CD27: variants seen among roughly 807,000 people sequenced by gnomAD.
CD27 encodes CD27 molecule.
In CD27, 16 loss-of-function variants were observed where a neutral mutation model predicts 25.9. The observed-to-expected ratio is 0.62, with a 90% CI of 0.42 to 0.94. The LOEUF is 0.94. Among genes scored for constraint, CD27 ranks in the 40% least tolerant of loss-of-function variants. The pLI, the probability that CD27 is intolerant of heterozygous loss-of-function variation, is 0.00. For missense variants in CD27, 300 were observed against 333.2 expected, an observed-to-expected ratio of 0.90 and a Z score of 0.78; for synonymous variants, 142 against 124.3, an observed-to-expected ratio of 1.14 and a Z score of -0.95.
At chr12:6,446,776 T>TCACACACACA (rs35670100) in intron 2 of CD27, among the ~76,000 whole-genome samples, 11 of 148,388 alleles carry the variant, frequency 7.4e-5, no homozygotes, top group Non-Finnish European at 1.2e-4. Context: ...AAACCCTTTT[T>TCACACACACA]CACACACACA....
At position 6,450,453 on chromosome 12, in the gene CD27, C is replaced by A; in HGVS notation, c.449-88C>A. ...CCTAGATAAGGTCAGCCTGTTTCTG[C>A]CTTCCCATCCCATCCAGCACCTCTC... On this transcript the variant is annotated intron_variant, in intron 3 of 5. Coordinates refer to ENST00000266557, the MANE Select transcript of CD27 (RefSeq NM_001242.5). The surrounding 1 kb of genome is among the most constrained non-coding windows in gnomAD (Gnocchi z 4.1). The A allele has an allele frequency of 1.3e-6, 2 of 1,533,220 alleles. No individual in the cohort carries two copies. The highest frequency in any genetic ancestry group is 1.8e-6 in the Non-Finnish European group (2 of 1,116,942). 95.0% of individuals were successfully genotyped at this position (1,533,220 alleles called of 1,614,324 possible). A position where few individuals can be genotyped will look rare whatever the true frequency, so the allele number is the denominator to read the frequency against.
chr12:6,451,207 C>T (rs1475450567), intron 5 of CD27, 61 bp from the exon 6 acceptor site: 2 of 1,594,404 alleles, frequency 1.3e-6, no homozygotes, highest in African/African-American at 2.7e-5. Context: ...CTACCCATCT[C>T]CTTCTCCCGT....
Position 6,445,081 on chromosome 12 carries a change from G to A in CD27, c.-15G>A, listed in dbSNP as rs199640884. Reference sequence around the variant, plus strand: ...CAGCAACTGGGCACAGAAAGGAGCCGCCTGGGCAGGGACCATGGCACGGCC... The same window carrying A: ...CAGCAACTGGGCACAGAAAGGAGCCACCTGGGCAGGGACCATGGCACGGCC... On this transcript the variant is annotated 5_prime_UTR_variant, in exon 1 of 6. Transcript: ENST00000266557. This position sits in a 1 kb window ranked among gnomAD's most constrained non-coding sequence, Gnocchi z 4.5. 5.6e-6 allele frequency: 9 copies of A among 1,595,826 alleles called. No individual in the cohort carries two copies. Among genetic ancestry groups the A allele is most frequent in the African/African-American group, 1.3e-5 (1 of 74,282 alleles).
Position 6,450,154 on chromosome 12 carries a change from T to A in CD27, c.269-19T>A. 1 of 1,605,696 alleles carries A rather than the reference T, an allele frequency of 6.2e-7. No individual in the cohort carries two copies. Among genetic ancestry groups the A allele is most frequent in the Non-Finnish European group, 8.5e-7 (1 of 1,178,194 alleles). On this transcript the variant is annotated intron_variant, in intron 2 of 5. Coordinates refer to ENST00000266557, the MANE Select transcript of CD27 (RefSeq NM_001242.5). This position sits in a 1 kb window ranked among gnomAD's most constrained non-coding sequence, Gnocchi z 4.1. ...ACAGGTCTGAGTGTCCTATGCTCCC[T>A]GGGCCTCTCTTCCCCCAGGTCTTCT...
chr12:6,451,040 G>A (rs762628936), intron 5 of CD27, 26 bp downstream of exon 5: 3 of 1,613,458 alleles, frequency 1.9e-6, no homozygotes, highest in Non-Finnish European at 1.7e-6. Flanking sequence ...CAGGCCTCCG[G>A]TCCTGCCCCT....
At chr12:6,447,858 C>T (rs1222141055) in intron 2 of CD27, 1 of 151,902 alleles carries the variant, frequency 6.6e-6, no homozygotes, top group Non-Finnish European at 1.5e-5. Context: ...TGTTCAATTC[C>T]CACCTACGAG....
intron 2 of CD27, chr12:6,447,205 A>C (rs927675590): frequency 6.6e-6 from 1 of 152,244 alleles, no homozygotes; most frequent in Admixed American, 6.5e-5. Context: ...TGTAACTGTA[A>C]TAGATGCTTT....
rs752125182 is a variant in CD27 at position 6,451,284 on chromosome 12, T to G, written c.675T>G (p.Pro225=). 1 of 1,613,912 alleles carries G rather than the reference T, an allele frequency of 6.2e-7. No individual in the cohort carries two copies. Among genetic ancestry groups the G allele is most frequent in the Non-Finnish European group, 8.5e-7 (1 of 1,179,980 alleles). ...CTTCTGCAGACAAAGGAGAAAGTCCTGTGGAGCCTGCAGAGCCTTGTCATT... is the reference window on the plus strand; with the variant it reads ...CTTCTGCAGACAAAGGAGAAAGTCCGGTGGAGCCTGCAGAGCCTTGTCATT... ...RKYRSNKGES[P]VEPAEPCHYS... The change falls in exon 6 of 6, where the codon CCT becomes CCG. Residue 225 remains proline (P), a synonymous_variant. Coordinates refer to ENST00000266557, the MANE Select transcript of CD27 (RefSeq NM_001242.5).
At chr12:6,446,078 A>G (rs1366808991) in intron 2 of CD27, among the ~76,000 whole-genome samples, 2 of 152,196 alleles carry the variant, frequency 1.3e-5, no homozygotes, top group Admixed American at 1.3e-4. Context: ...TTAAACTAAG[A>G]AGTATAATAT....
upstream of CD27, chr12:6,444,897 G>C (rs1181592544): frequency 2.5e-5 from 14 of 562,398 alleles, no homozygotes; most frequent in East Asian, 1.6e-4. Flanking sequence ...GAAGGGGAAG[G>C]GGGTGGAGGT....
At position 6,451,663 on chromosome 12, in the gene CD27, G is replaced by A; in HGVS notation, c.*271G>A. 3 of 426,114 alleles carry A rather than the reference G, an allele frequency of 7.0e-6. No homozygotes were observed. The highest frequency in any genetic ancestry group is 3.8e-5 in the Admixed American group (1 of 26,018). The allele number at this position is 426,114 out of a possible 1,614,324, so 26.4% of individuals were successfully genotyped here. A position where few individuals can be genotyped will look rare whatever the true frequency, so the allele number is the denominator to read the frequency against. ...GGTTGTAAAACACACTTCCTGCTGC[G>A]AAAGACCCACATGCTACAAGACGGG... On this transcript the variant is annotated 3_prime_UTR_variant, in exon 6 of 6. Transcript: ENST00000266557.
At chr12:6,448,419 C>T (rs1949453503) in intron 2 of CD27, among the ~76,000 whole-genome samples, 1 of 152,106 alleles carries the variant, frequency 6.6e-6, no homozygotes, top group Admixed American at 6.6e-5. Context: ...CTACCACACC[C>T]GCCCCCAGGA....
In CD27 at chr12:6,445,966, C is replaced by A. The variant is rs972765540; in HGVS notation, c.268+411C>A. On this transcript the variant is annotated intron_variant, in intron 2 of 5. Coordinates refer to ENST00000266557, the MANE Select transcript of CD27 (RefSeq NM_001242.5). This position sits in a 1 kb window ranked among gnomAD's most constrained non-coding sequence, Gnocchi z 4.5. ...CTTTCTAAGGAAATAACAAAGCAACCCAATAGGTAACAACCTTTTTTTGCA... is the reference window on the plus strand; with the variant it reads ...CTTTCTAAGGAAATAACAAAGCAACACAATAGGTAACAACCTTTTTTTGCA... 1.3e-5 allele frequency among the ~76,000 whole-genome samples: 2 copies of A among 151,944 alleles called. No homozygotes were observed. Among genetic ancestry groups the A allele is most frequent in the African/African-American group, 4.8e-5 (2 of 41,348 alleles).
chr12:6,449,038 C>T (rs1949469309), intron 2 of CD27, among the ~76,000 whole-genome samples: 1 of 152,066 alleles, frequency 6.6e-6, no homozygotes, highest in Non-Finnish European at 1.5e-5. Flanking sequence ...CTCTGTCACC[C>T]AGGCTGGAGC....
Position 6,451,005 on chromosome 12 carries a change from T to C in CD27, c.649T>C (p.Tyr217His). 6.2e-7 allele frequency: 1 copy of C among 1,614,014 alleles called. No individual in the cohort carries two copies. The highest frequency in any genetic ancestry group is 8.5e-7 in the Non-Finnish European group (1 of 1,179,982). Reference sequence around the variant, plus strand: ...CCTGTTCCTCCATCAACGAAGGAAATATAGATCAAGTAAGAGACAGAACAC... The same window carrying C: ...CCTGTTCCTCCATCAACGAAGGAAACATAGATCAAGTAAGAGACAGAACAC... ...GALFLHQRRK[Y>H]RSNKGESPVE... The change falls in exon 5 of 6, where the codon TAT becomes CAT. Residue 217 changes from tyrosine to histidine, a missense_variant. By Grantham distance (83) the Tyr-to-His change is moderately conservative (BLOSUM62 2). Coordinates refer to ENST00000266557, the MANE Select transcript of CD27 (RefSeq NM_001242.5).
In CD27 at chr12:6,445,088, C is replaced by A; in HGVS notation, c.-8C>A. On this transcript the variant is annotated 5_prime_UTR_variant, in exon 1 of 6. Coordinates refer to ENST00000266557, the MANE Select transcript of CD27 (RefSeq NM_001242.5). The surrounding 1 kb of genome is among the most constrained non-coding windows in gnomAD (Gnocchi z 4.5). ...TGGGCACAGAAAGGAGCCGCCTGGG[C>A]AGGGACCATGGCACGGCCACATCCC... 1.2e-6 allele frequency: 2 copies of A among 1,601,222 alleles called. No homozygotes were observed. The highest frequency in any genetic ancestry group is 1.7e-6 in the Non-Finnish European group (2 of 1,175,264).
At chr12:6,449,035 A>T (rs1949469246) in intron 2 of CD27, among the ~76,000 whole-genome samples, 1 of 150,774 alleles carries the variant, frequency 6.6e-6, no homozygotes, top group African/African-American at 2.4e-5. Context: ...TCACTCTGTC[A>T]CCCAGGCTGG....
chr12:6,450,843 G>A lies in CD27; in HGVS notation c.539-52G>A, dbSNP rs1216516776. On this transcript the variant is annotated intron_variant, in intron 4 of 5. Transcript: ENST00000266557. The surrounding 1 kb of genome is among the most constrained non-coding windows in gnomAD (Gnocchi z 4.1). ...AGGTGACAGGAGGGCTGGGCTGAGG[G>A]AGCCAAGGGCTAGACCCTCCCCTAA... is the stretch of plus-strand genomic sequence containing the variant. The A allele has an allele frequency of 1.2e-6, 2 of 1,611,186 alleles. No individual in the cohort carries two copies. Among genetic ancestry groups the A allele is most frequent in the South Asian group, 1.1e-5 (1 of 90,930 alleles).
rs1592124930 is a variant in CD27 at position 6,451,577 on chromosome 12, T to C, written c.*185T>C. On this transcript the variant is annotated 3_prime_UTR_variant, in exon 6 of 6. Coordinates refer to ENST00000266557, the MANE Select transcript of CD27 (RefSeq NM_001242.5). ...GGGACGAGGACAAATATGGATGAGG[T>C]GGAGAGTGGGAAGCAGGAGCCCAGC... 2 of 614,392 alleles carry C rather than the reference T, an allele frequency of 3.3e-6. No individual in the cohort carries two copies. Among genetic ancestry groups the C allele is most frequent in the Admixed American group, 3.2e-5 (1 of 31,578 alleles). The allele number at this position is 614,392 out of a possible 1,614,324, so 38.1% of individuals were successfully genotyped here.
Sources: gnomAD v4.1 joint callset for allele counts (sites outside exome capture counted in the v4.1 genomes callset) on GRCh38, gnomAD v4.1.1 for gene constraint, Gnocchi (gnomAD v3.1) non-coding constraint, MANE v1.5 for transcripts, NCBI Gene and HGNC (gene_info 2026-07-23, HGNC 2026-07-21) for gene names.